EPHA6: variants seen among roughly 807,000 people sequenced by gnomAD.
EPHA6 encodes the protein EPH receptor A6.
EPHA6 carries 50 observed loss-of-function variants against 112.0 expected under a neutral mutation model. The ratio of observed to expected loss-of-function variants is 0.45; its 90% CI spans 0.36 to 0.56. The LOEUF (loss-of-function observed/expected upper bound fraction) is 0.56, where lower values mean the gene tolerates loss of function less well. Ranked by LOEUF, EPHA6 falls within the 20% of genes least tolerant of loss-of-function variation. The probability of loss-of-function intolerance (pLI) is 0.00; values close to 1 mark genes in which losing one functional copy is unlikely to be tolerated. For synonymous variants in EPHA6, 529 were observed against 490.7 expected (o/e 1.08, Z -1.03); for missense variants, 1,280 against 1,417.4 (o/e 0.90, Z 1.56).
In EPHA6 at chr3:97,098,828, GT is replaced by G. The variant is rs572311284; in HGVS notation, c.1114+110838del. On this transcript the variant is annotated intron_variant, in intron 3 of 17. Transcript: ENST00000389672. ...GCTGCTGTGTCCACAACTGATGAAT[GT>G]TTGTTGCTATTTGATGGTTGGTAAC... is the stretch of plus-strand genomic sequence containing the variant. Among the ~76,000 whole-genome samples, 21 of 151,982 alleles carry G rather than the reference GT, an allele frequency of 1.4e-4. 1 individual carries two copies. The South Asian group carries it at 4.4e-3, about 32-fold the overall frequency.
At chr3:97,394,449 A>G (rs574713843) in intron 5 of EPHA6, among the ~76,000 whole-genome samples, 3 of 152,040 alleles carry the variant, frequency 2.0e-5, no homozygotes, top group African/African-American at 7.2e-5. Flanking sequence ...AAAGCTCTGC[A>G]CAGCAAAGGA....
intron 11 of EPHA6, among the ~76,000 whole-genome samples, chr3:97,543,582 T>C (rs2092900271): frequency 6.6e-6 from 1 of 152,162 alleles, no homozygotes; most frequent in South Asian, 2.1e-4. Flanking sequence ...ATGTGGGCTC[T>C]TTTTTGGTTC....
rs369888392 is a variant in EPHA6 at position 96,861,385 on chromosome 3, C to CT, written c.386-5432dup. On this transcript the variant is annotated intron_variant, in intron 1 of 17. Coordinates refer to ENST00000389672, the MANE Select transcript of EPHA6 (RefSeq NM_001080448.3). ...AATTATATAGCTTGAGTGTTTTGCCCTTTTTTTTCTATTTAAGATAACAGT... is the reference window on the plus strand; with the variant it reads ...AATTATATAGCTTGAGTGTTTTGCCCTTTTTTTTTCTATTTAAGATAACAGT... Among the ~76,000 whole-genome samples the CT allele has an allele frequency of 9.9e-5, 15 of 151,454 alleles. No individual in the cohort carries two copies. The South Asian group carries it at 2.5e-3, about 25-fold the overall frequency.
chr3:97,271,558 A>C (rs541338705), intron 5 of EPHA6, among the ~76,000 whole-genome samples: 1 of 152,282 alleles, frequency 6.6e-6, no homozygotes, highest in East Asian at 1.9e-4. Flanking sequence ...GGGTTTCAGC[A>C]TGTTGATCAG....
Position 97,622,345 on chromosome 3 carries a change from A to G in EPHA6, c.2574+11491A>G, listed in dbSNP as rs74584832. 8.1e-3 allele frequency among the ~76,000 whole-genome samples: 1,234 copies of G among 151,896 alleles called. 19 individuals carry two copies. Among genetic ancestry groups the G allele is most frequent in the African/African-American group, 0.028 (1,179 of 41,480 alleles). ...GTATCTCATGTAAGTGAAATCATAT[A>G]GTATTTGTCTTTTGTGATTGGCTTA... On this transcript the variant is annotated intron_variant, in intron 13 of 17. Transcript: ENST00000389672.
At chr3:97,320,541 C>A (rs1156811344) in intron 5 of EPHA6, among the ~76,000 whole-genome samples, 1 of 151,790 alleles carries the variant, frequency 6.6e-6, no homozygotes, top group Non-Finnish European at 1.5e-5. Context: ...AACATGTTAT[C>A]ATTTCCCTTC....
At chr3:97,575,868 G>A (rs1002088244) in intron 11 of EPHA6, among the ~76,000 whole-genome samples, 3 of 152,144 alleles carry the variant, frequency 2.0e-5, no homozygotes, top group African/African-American at 7.2e-5. Context: ...ATATAAAGCT[G>A]TGTAATTGTA....
intron 12 of EPHA6, among the ~76,000 whole-genome samples, chr3:97,605,009 C>T (rs1449659017): frequency 6.6e-6 from 1 of 151,428 alleles, no homozygotes; most frequent in Non-Finnish European, 1.5e-5. Flanking sequence ...GTCCTGAGGT[C>T]AAAGCCACTT....
chr3:97,131,887 C>T (rs557013364), intron 3 of EPHA6, among the ~76,000 whole-genome samples: 13 of 152,186 alleles, frequency 8.5e-5, no homozygotes, highest in Admixed American at 1.3e-4. Context: ...CAACCTTATA[C>T]GGTTTCAATC....
intron 3 of EPHA6, among the ~76,000 whole-genome samples, chr3:97,151,647 A>C (rs115969198): frequency 0.011 from 1,738 of 152,190 alleles, 19 homozygotes; most frequent in Non-Finnish European, 0.018. Context: ...ATATAATTAT[A>C]TTTTGTGCCT....
intron 11 of EPHA6, chr3:97,569,861 C>G (rs1208721371): frequency 3.3e-5 from 5 of 151,988 alleles, no homozygotes; most frequent in African/African-American, 1.2e-4. Flanking sequence ...TTTCCTGGTT[C>G]ATGTTGGTCA....
intron 14 of EPHA6, among the ~76,000 whole-genome samples, chr3:97,676,613 G>T (rs907378874): frequency 2.6e-5 from 4 of 152,104 alleles, no homozygotes; most frequent in African/African-American, 9.7e-5. Flanking sequence ...GTGTCCAGGG[G>T]AAGGAAAAAT....
At chr3:97,428,279 G>A (rs2089286706) in intron 6 of EPHA6, among the ~76,000 whole-genome samples, 1 of 152,042 alleles carries the variant, frequency 6.6e-6, no homozygotes. Flanking sequence ...GTAAGGAAAT[G>A]ATAAACAAAA....
intron 3 of EPHA6, among the ~76,000 whole-genome samples, chr3:97,154,220 T>C (rs1225136764): frequency 1.3e-5 from 2 of 151,930 alleles, no homozygotes; most frequent in African/African-American, 4.8e-5. Context: ...CACTGATACA[T>C]CCAAATTTGC....
At chr3:97,546,048 C>G (rs901758254) in intron 11 of EPHA6, among the ~76,000 whole-genome samples, 3 of 152,158 alleles carry the variant, frequency 2.0e-5, no homozygotes, top group African/African-American at 7.2e-5. Context: ...TTAATTGGAG[C>G]ATTTAGCCCA....
At chr3:97,399,282 T>C (rs2086854614) in intron 5 of EPHA6, among the ~76,000 whole-genome samples, 1 of 151,606 alleles carries the variant, frequency 6.6e-6, no homozygotes, top group South Asian at 2.1e-4. Flanking sequence ...AATTCATTCT[T>C]TTTAACAGTG....
intron 13 of EPHA6, among the ~76,000 whole-genome samples, chr3:97,617,300 T>C (rs2107487172): frequency 6.6e-6 from 1 of 152,104 alleles, no homozygotes; most frequent in Admixed American, 6.6e-5. Context: ...AAGGAAAAAC[T>C]ATTACCAGCC....
intron 10 of EPHA6, among the ~76,000 whole-genome samples, chr3:97,511,387 C>G (rs541867203): frequency 1.6e-4 from 24 of 152,308 alleles, no homozygotes; most frequent in African/African-American, 5.5e-4. Flanking sequence ...ATGCAATGCA[C>G]TGTTCCTCAC....
chr3:97,273,937 C>T (rs1450706296), intron 5 of EPHA6, among the ~76,000 whole-genome samples: 1 of 152,090 alleles, frequency 6.6e-6, no homozygotes, highest in Non-Finnish European at 1.5e-5. Flanking sequence ...AGTCAATTTG[C>T]CAGTCCTGGG....
Sources: gnomAD v4.1 joint callset for allele counts (sites outside exome capture counted in the v4.1 genomes callset) on GRCh38, gnomAD v4.1.1 for gene constraint, MANE v1.5 for transcripts, NCBI Gene and HGNC (gene_info 2026-07-23, HGNC 2026-07-21) for gene names.